Variants in MDGA2 observed in about 807,000 individuals in gnomAD.
MDGA2 encodes MAM domain containing glycosylphosphatidylinositol anchor 2, also known as MAM domain-containing glycosylphosphatidylinositol anchor protein 2.
In MDGA2, 40 loss-of-function variants were observed where a neutral mutation model predicts 117.8. The observed-to-expected ratio is 0.34, with a 90% CI of 0.26 to 0.44. MDGA2 has a LOEUF of 0.44. Among genes scored for constraint, MDGA2 ranks in the 20% least tolerant of loss-of-function variants. The pLI is 1.00. For missense variants in MDGA2, 1,123 were observed against 1,250.6 expected, an observed-to-expected ratio of 0.90 and a Z score of 1.54; for synonymous variants, 452 against 439.0, an observed-to-expected ratio of 1.03 and a Z score of -0.37.
At chr14:47,339,657 A>C (rs911036876) in intron 1 of MDGA2, among the ~76,000 whole-genome samples, 1 of 152,126 alleles carries the variant, frequency 6.6e-6, no homozygotes, top group Admixed American at 6.6e-5. Context: ...TTCCTCTTTC[A>C]CCATGAGTGG....
At chr14:47,674,307 C>CCAACT (rs1003667040) in intron 1 of MDGA2, among the ~76,000 whole-genome samples, 38 of 152,342 alleles carry the variant, frequency 2.5e-4, no homozygotes, top group African/African-American at 8.2e-4. Context: ...AAACCCAACT[C>CCAACT]CGAGCCAGAG....
At chr14:47,390,315 G>A (rs1445453074) in intron 1 of MDGA2, among the ~76,000 whole-genome samples, 1 of 152,130 alleles carries the variant, frequency 6.6e-6, no homozygotes, top group African/African-American at 2.4e-5. Flanking sequence ...CTTTCTCAAA[G>A]ACTAGGGAAG....
At chr14:47,108,254 C>T (rs568235023) in intron 5 of MDGA2, among the ~76,000 whole-genome samples, 11 of 152,232 alleles carry the variant, frequency 7.2e-5, no homozygotes, top group African/African-American at 2.6e-4. Flanking sequence ...AAAATTTTCG[C>T]CGCCCCAACA....
intron 2 of MDGA2, among the ~76,000 whole-genome samples, chr14:47,235,405 G>A (rs996622961): frequency 2.0e-5 from 3 of 152,140 alleles, no homozygotes; most frequent in Non-Finnish European, 4.4e-5. Context: ...ACTCATCCTC[G>A]AAAGAATAAT....
At chr14:47,657,752 G>A (rs1897771036) in intron 1 of MDGA2, among the ~76,000 whole-genome samples, 1 of 152,164 alleles carries the variant, frequency 6.6e-6, no homozygotes, top group African/African-American at 2.4e-5. Flanking sequence ...GTGCTGCAAT[G>A]ATAATGGAAT....
chr14:47,320,559 T>C (rs8003404), intron 1 of MDGA2, among the ~76,000 whole-genome samples: 50,801 of 151,846 alleles, frequency 0.33, 9,336 homozygotes, highest in Admixed American at 0.52. Context: ...ACCACTTTCT[T>C]TTCCTTCAAT....
At chr14:47,363,346 C>T (rs1394564406) in intron 1 of MDGA2, among the ~76,000 whole-genome samples, 17 of 151,516 alleles carry the variant, frequency 1.1e-4, no homozygotes, top group Admixed American at 2.0e-4. Context: ...CAACCTCTGC[C>T]TCCCGGGTTC....
In MDGA2 at chr14:47,655,569, T is replaced by C. The variant is rs116404541; in HGVS notation, c.280+18948A>G. Among the ~76,000 whole-genome samples, 1,181 of 151,980 alleles carry C rather than the reference T, an allele frequency of 7.8e-3. 18 individuals are homozygous for C. Among genetic ancestry groups the C allele is most frequent in the African/African-American group, 0.027 (1,137 of 41,450 alleles). Reference sequence around the variant, plus strand: ...GGAAAATAGACACCTCCTCAGTGAGTTGTAGGAGTCTATGGCCTGAGTCAT... The same window carrying C: ...GGAAAATAGACACCTCCTCAGTGAGCTGTAGGAGTCTATGGCCTGAGTCAT... On this transcript the variant is annotated intron_variant, in intron 1 of 16. Coordinates refer to ENST00000399232, the MANE Select transcript of MDGA2 (RefSeq NM_001113498.3).
At chr14:47,628,535 A>G (rs1011427542) in intron 1 of MDGA2, among the ~76,000 whole-genome samples, 3 of 152,260 alleles carry the variant, frequency 2.0e-5, no homozygotes, top group African/African-American at 7.2e-5. Flanking sequence ...TGTATAATAC[A>G]GAACTGCCTA....
chr14:47,030,829 A>G (rs1888638136), intron 8 of MDGA2, among the ~76,000 whole-genome samples: 1 of 152,138 alleles, frequency 6.6e-6, no homozygotes, highest in African/African-American at 2.4e-5. Flanking sequence ...AAACACTTAT[A>G]TTTTCAACTT....
intron 2 of MDGA2, among the ~76,000 whole-genome samples, chr14:47,261,753 T>C (rs529362697): frequency 3.3e-5 from 5 of 152,292 alleles, no homozygotes; most frequent in Non-Finnish European, 5.9e-5. Context: ...TGAAAGAAGC[T>C]AACCTCTTTC....
chr14:47,057,940 G>C (rs2138766717), intron 7 of MDGA2, among the ~76,000 whole-genome samples: 1 of 152,068 alleles, frequency 6.6e-6, no homozygotes, highest in East Asian at 1.9e-4. Context: ...TCTAAAATCA[G>C]ATCATTGTCT....
chr14:47,540,540 G>GTGTGTGTGTGTA lies in MDGA2; in HGVS notation c.280+133976_280+133977insTACACACACACA. The stretch of plus-strand genomic sequence containing the variant: ...TGTATATGTGTGTGTGTGTGTGTGT[G>GTGTGTGTGTGTA]TATATATATATATGTATATATATAC... On this transcript the variant is annotated intron_variant, in intron 1 of 16. Transcript: ENST00000399232. 1.9e-4 allele frequency among the ~76,000 whole-genome samples: 15 copies of GTGTGTGTGTGTA among 79,162 alleles called. No individual in the cohort carries two copies. The East Asian group carries it at 2.5e-3, about 13-fold the overall frequency. The allele number at this position is 79,162 out of a possible 152,430, so 51.9% of individuals were successfully genotyped here. A position where few individuals can be genotyped will look rare whatever the true frequency, so the allele number is the denominator to read the frequency against.
At chr14:47,560,561 T>C (rs1403464378) in intron 1 of MDGA2, among the ~76,000 whole-genome samples, 1 of 152,186 alleles carries the variant, frequency 6.6e-6, no homozygotes, top group Non-Finnish European at 1.5e-5. Context: ...TGTTTGTTTT[T>C]TGCTTGTAAA....
intron 1 of MDGA2, among the ~76,000 whole-genome samples, chr14:47,519,704 C>A (rs536164422): frequency 6.6e-6 from 1 of 152,202 alleles, no homozygotes; most frequent in Non-Finnish European, 1.5e-5. Context: ...CTTCTGGAGT[C>A]ATCTTTTCAT....
At chr14:47,046,134 C>G (rs892441356) in intron 7 of MDGA2, among the ~76,000 whole-genome samples, 3 of 149,244 alleles carry the variant, frequency 2.0e-5, no homozygotes, top group Admixed American at 6.7e-5. Context: ...GCACATGTAC[C>G]CTAAAACTTA....
chr14:47,370,421 G>A (rs1182307818), intron 1 of MDGA2, among the ~76,000 whole-genome samples: 4 of 134,440 alleles, frequency 3.0e-5, no homozygotes, highest in Non-Finnish European at 6.2e-5. Flanking sequence ...GTTCATCAGA[G>A]ACCTGTATCT....
chr14:46,873,899 GT>G, intron 13 of MDGA2, 145 bp downstream of exon 13: 1 of 717,416 alleles, frequency 1.4e-6, no homozygotes, highest in Non-Finnish European at 2.1e-6. Context: ...ACAAAGTTTT[GT>G]AAATATCTAA....
intron 10 of MDGA2, among the ~76,000 whole-genome samples, chr14:46,900,013 G>T (rs1883224445): frequency 6.6e-6 from 1 of 151,854 alleles, no homozygotes; most frequent in South Asian, 2.1e-4. Flanking sequence ...AAATACAATG[G>T]TACAATTTTC....
Sources: allele counts gnomAD v4.1 joint callset (sites outside exome capture counted in the v4.1 genomes callset), GRCh38; gene constraint gnomAD v4.1.1; transcripts MANE v1.5; gene names NCBI Gene and HGNC (gene_info 2026-07-23, HGNC 2026-07-21).